CCND3: variants seen among roughly 807,000 people sequenced by gnomAD.
The protein encoded by CCND3 is cyclin D3, also known as G1/S-specific cyclin-D3.
A neutral mutation model predicts 28.7 loss-of-function variants in CCND3; 9 were observed. The observed-to-expected ratio is 0.31, with a 90% CI of 0.19 to 0.55. The LOEUF (loss-of-function observed/expected upper bound fraction) is 0.55. Among genes scored for constraint, CCND3 ranks in the 20% least tolerant of loss-of-function variants. The probability of loss-of-function intolerance (pLI) is 0.93; values close to 1 mark genes in which losing one functional copy is unlikely to be tolerated. For synonymous variants in CCND3, 164 were observed against 163.9 expected (o/e 1.00, Z 0.00); for missense variants, 315 against 385.8 (o/e 0.82, Z 1.54).
In CCND3 at chr6:42,020,898, C is replaced by T. The variant is rs944945494; in HGVS notation, c.-46+27603G>A. The stretch of plus-strand genomic sequence containing the variant: ...TCCCGAGTAGCTGGGATTACAGGCA[C>T]GTGCCACCATGCCCGGCTAATTTTT... On this transcript the variant is annotated intron_variant, in intron 1 of 4. Coordinates refer to the CCND3 transcript ENST00000372988. Among the ~76,000 whole-genome samples, 9 of 152,294 alleles carry T rather than the reference C, an allele frequency of 5.9e-5. No homozygotes were observed. In the East Asian group the frequency reaches 1.4e-3, roughly 23 times the overall value.
intron 1 of CCND3, among the ~76,000 whole-genome samples, chr6:41,950,366 T>A (rs7766817): frequency 0.59 from 89,345 of 151,856 alleles, 26,743 homozygotes; most frequent in African/African-American, 0.71. Flanking sequence ...TTAGTTTGGC[T>A]TAGTCATTAA....
chr6:42,005,682 GC>G (rs1763156435), intron 1 of CCND3, among the ~76,000 whole-genome samples: 2 of 151,828 alleles, frequency 1.3e-5, no homozygotes, highest in Middle Eastern at 3.4e-3. Flanking sequence ...ACATGGTGAG[GC>G]CCCATTTCTT....
At chr6:41,945,872 G>A (rs1014938747), upstream of CCND3, among the ~76,000 whole-genome samples, 3 of 152,180 alleles carry the variant, frequency 2.0e-5, no homozygotes, top group African/African-American at 7.2e-5. Context: ...TTCAGAGATA[G>A]TAGTTTCTGA....
intron 1 of CCND3, among the ~76,000 whole-genome samples, chr6:41,958,272 C>A (rs866774288): frequency 6.6e-6 from 1 of 152,196 alleles, no homozygotes; most frequent in Admixed American, 6.5e-5. Context: ...GCTGGGATTA[C>A]AGGTGTGAGC....
At chr6:42,000,460 C>T (rs1309189131) in intron 1 of CCND3, among the ~76,000 whole-genome samples, 1 of 150,828 alleles carries the variant, frequency 6.6e-6, no homozygotes, top group Non-Finnish European at 1.5e-5. Context: ...GATCTCCTGA[C>T]CTCGTGATCC....
chr6:42,010,775 C>A (rs1487172614), intron 1 of CCND3: 2 of 152,198 alleles, frequency 1.3e-5, no homozygotes, highest in Admixed American at 6.5e-5. Context: ...CCTTCTCCTA[C>A]AGAAAGTGAC....
chr6:41,969,949 G>A (rs1761990677), intron 1 of CCND3, among the ~76,000 whole-genome samples: 1 of 152,158 alleles, frequency 6.6e-6, no homozygotes, highest in Non-Finnish European at 1.5e-5. Context: ...GTGAACGCCT[G>A]TAGTCCCAGC....
At chr6:41,950,955 G>T (rs900081256) in intron 1 of CCND3, among the ~76,000 whole-genome samples, 3 of 151,878 alleles carry the variant, frequency 2.0e-5, no homozygotes, top group Non-Finnish European at 2.9e-5. Context: ...TGATCCGCCC[G>T]CCTCGGCCTC....
At chr6:41,995,296 C>T (rs140052835) in intron 1 of CCND3, among the ~76,000 whole-genome samples, 4,220 of 151,944 alleles carry the variant, frequency 0.028, 182 homozygotes, top group African/African-American at 0.093. Flanking sequence ...CTTGCTCTGT[C>T]GCCCAGGCTG....
chr6:41,948,751 A>T (rs1276018775), intron 1 of CCND3, among the ~76,000 whole-genome samples: 1 of 151,788 alleles, frequency 6.6e-6, no homozygotes, highest in Non-Finnish European at 1.5e-5. Context: ...AAGGCAAGAG[A>T]ATTGCTTGAA....
chr6:42,007,091 T>C (rs1763197609), intron 1 of CCND3, among the ~76,000 whole-genome samples: 1 of 152,066 alleles, frequency 6.6e-6, no homozygotes, highest in Admixed American at 6.6e-5. Context: ...ATAATATACA[T>C]ACACACATGT....
chr6:41,942,829 A>G (rs980274958), upstream of CCND3, among the ~76,000 whole-genome samples: 1 of 150,340 alleles, frequency 6.7e-6, no homozygotes. Flanking sequence ...CTCCTGACTT[A>G]GGAGACACTA....
intron 1 of CCND3, among the ~76,000 whole-genome samples, chr6:42,007,776 C>T (rs1379698550): frequency 6.6e-6 from 1 of 152,210 alleles, no homozygotes; most frequent in Admixed American, 6.5e-5. Context: ...ACGGATGCTG[C>T]TTTAAAGTCT....
upstream of CCND3, among the ~76,000 whole-genome samples, chr6:41,946,202 T>C (rs559838181): frequency 1.3e-5 from 2 of 152,156 alleles, no homozygotes; most frequent in South Asian, 4.1e-4. Flanking sequence ...CACAGAGTGG[T>C]TGTGAGGAGG....
chr6:42,024,132 G>A (rs9394851), intron 1 of CCND3, among the ~76,000 whole-genome samples: 85,606 of 151,894 alleles, frequency 0.56, 24,622 homozygotes, highest in African/African-American at 0.69. Flanking sequence ...GGCTGGGTGC[G>A]GTGGCTCACA....
chr6:42,008,250 C>A lies in CCND3; in HGVS notation c.-46+40251G>T, dbSNP rs890778710. Among the ~76,000 whole-genome samples the A allele has an allele frequency of 2.0e-5, 3 of 151,950 alleles. No homozygotes were observed. The South Asian group carries it at 6.2e-4, about 32-fold the overall frequency. On this transcript the variant is annotated intron_variant, in intron 1 of 4. Transcript: ENST00000372988. ...ACAAAAATTAGCTGGGTGGGGCGGG[C>A]GCCTGTAATCCCAGCTACTCGGGAG...
chr6:41,974,146 G>A (rs906859655), intron 1 of CCND3, among the ~76,000 whole-genome samples: 6 of 152,146 alleles, frequency 3.9e-5, no homozygotes, highest in Non-Finnish European at 8.8e-5. Context: ...CTGTGCCATT[G>A]CACTCTAGCC....
In CCND3 at chr6:41,941,155, G is replaced by A. The variant is rs888323382; in HGVS notation, c.198+297C>T. The stretch of plus-strand genomic sequence containing the variant: ...GAAGGCCGGGAGGCGGAGGGAAGCG[G>A]GAGACGCTGTGAGAAGCCGAAGGGG... On this transcript the variant is annotated intron_variant, in intron 1 of 4. Coordinates refer to ENST00000372991, the MANE Select transcript of CCND3 (RefSeq NM_001760.5). The surrounding 1 kb of genome is among the most constrained non-coding windows in gnomAD (Gnocchi z 6.1). 3.3e-5 allele frequency: 48 copies of A among 1,464,596 alleles called. No individual in the cohort carries two copies. In the African/African-American group the frequency reaches 6.5e-4, roughly 20 times the overall value. 90.7% of individuals were successfully genotyped at this position (1,464,596 alleles called of 1,614,324 possible).
rs1775798968 is a variant in CCND3 at position 41,936,485 on chromosome 6, C to T, written c.711+74G>A. ...GGGACCAGGTTGGGGTTGGAGGTTT[C>T]CCTCTACTGGAGGCTCAGGGCATAG... On this transcript the variant is annotated intron_variant, in intron 4 of 4. Coordinates refer to ENST00000372991, the MANE Select transcript of CCND3 (RefSeq NM_001760.5). The surrounding 1 kb of genome is among the most constrained non-coding windows in gnomAD (Gnocchi z 4.4). 6.5e-7 allele frequency: 1 copy of T among 1,542,942 alleles called. No homozygotes were observed. The highest frequency in any genetic ancestry group is 1.4e-5 in the African/African-American group (1 of 73,248).
Sources: allele counts gnomAD v4.1 joint callset (sites outside exome capture counted in the v4.1 genomes callset), GRCh38; gene constraint gnomAD v4.1.1; non-coding constraint Gnocchi (gnomAD v3.1); transcripts MANE v1.5; gene names NCBI Gene and HGNC (gene_info 2026-07-23, HGNC 2026-07-21).